ASB3: variants seen among roughly 807,000 people sequenced by gnomAD.
ASB3 encodes ankyrin repeat and SOCS box protein 3.
Under a neutral mutation model 54.5 loss-of-function variants are expected in ASB3, and 41 were observed. The observed-to-expected ratio is 0.75, with a 90% confidence interval of 0.59 to 0.98. The LOEUF is 0.98. Among genes scored for constraint, ASB3 ranks in the 50% least tolerant of loss-of-function variants. The pLI is 0.00. For missense variants in ASB3, 733 were observed against 620.0 expected (o/e 1.18, Z -1.94); for synonymous variants, 266 against 221.2 (o/e 1.20, Z -1.80).
chr2:53,784,040 T>G (rs1674798756), intron 1 of ASB3, among the ~76,000 whole-genome samples: 1 of 152,218 alleles, frequency 6.6e-6, no homozygotes, highest in Non-Finnish European at 1.5e-5. Context: ...AATGAGTTTA[T>G]TTTAGCAAAC....
At chr2:53,784,237 T>C (rs1379701309) in intron 1 of ASB3, among the ~76,000 whole-genome samples, 1 of 152,240 alleles carries the variant, frequency 6.6e-6, no homozygotes, top group Non-Finnish European at 1.5e-5. Flanking sequence ...CATAAAAGAC[T>C]TGTACTGATT....
In ASB3 at chr2:53,774,350, T is replaced by C. The variant is rs531154748; in HGVS notation, c.-13-8765A>G. 9 of 1,613,212 alleles carry C rather than the reference T, an allele frequency of 5.6e-6. No individual in the cohort carries two copies. In the East Asian group the frequency reaches 8.9e-5, roughly 16 times the overall value. On this transcript the variant is annotated intron_variant, in intron 1 of 9. Transcript: ENST00000263634. ...CTTGGTCCTGCACCTCTGGAAGACA[T>C]TGCTGAACAAATTTTTAATGCAGCT...
intron 8 of ASB3, among the ~76,000 whole-genome samples, chr2:53,698,005 T>C (rs1669279894): frequency 1.3e-5 from 2 of 152,180 alleles, no homozygotes; most frequent in South Asian, 4.1e-4. Flanking sequence ...TGGTAGAAAC[T>C]TTGTGGCAGC....
intron 5 of ASB3, among the ~76,000 whole-genome samples, chr2:53,723,276 CT>C (rs1265208239): frequency 6.6e-6 from 1 of 152,162 alleles, no homozygotes; most frequent in Non-Finnish European, 1.5e-5. Flanking sequence ...CCAAAGCAAT[CT>C]ATAGATTCAA....
chr2:53,765,317 TTTTTATG>T, intron 2 of ASB3, 53 bp downstream of exon 2: 1 of 1,604,688 alleles, frequency 6.2e-7, no homozygotes, highest in East Asian at 2.2e-5. Context: ...GTATTATACT[TTTTTATG>T]TTTTATTAAT....
At chr2:53,761,390 G>A (rs1313711929) in intron 2 of ASB3, among the ~76,000 whole-genome samples, 1 of 152,058 alleles carries the variant, frequency 6.6e-6, no homozygotes, top group African/African-American at 2.4e-5. Flanking sequence ...CCCGTTGTAT[G>A]GGGGCTCTGT....
At chr2:53,757,424 T>C (rs982322847) in intron 2 of ASB3, among the ~76,000 whole-genome samples, 1 of 152,240 alleles carries the variant, frequency 6.6e-6, no homozygotes, top group South Asian at 2.1e-4. Context: ...GTTGAGATCA[T>C]GGCGCAGCCG....
At chr2:53,720,509 A>C (rs528282559) in intron 5 of ASB3, among the ~76,000 whole-genome samples, 1 of 152,340 alleles carries the variant, frequency 6.6e-6, no homozygotes, top group South Asian at 2.1e-4. Context: ...GAAGGTAATT[A>C]CATAATGATA....
intron 3 of ASB3, among the ~76,000 whole-genome samples, chr2:53,743,687 T>A (rs2103974946): frequency 6.6e-6 from 1 of 152,298 alleles, no homozygotes; most frequent in East Asian, 1.9e-4. Context: ...ATAAATACAT[T>A]TAATTATATG....
At chr2:53,771,893 C>A (rs770448070) in intron 1 of ASB3, 5 of 1,540,720 alleles carry the variant, frequency 3.2e-6, no homozygotes, top group Non-Finnish European at 4.4e-6. Flanking sequence ...TTTTTTTTTA[C>A]CTTTTTAAAA....
At chr2:53,735,188 G>A (rs142584047) in intron 3 of ASB3, among the ~76,000 whole-genome samples, 39 of 152,064 alleles carry the variant, frequency 2.6e-4, no homozygotes, top group Admixed American at 8.5e-4. Flanking sequence ...CCAAAGTGCT[G>A]GGATTACACA....
intron 5 of ASB3, among the ~76,000 whole-genome samples, 177 bp from the exon 6 acceptor site, chr2:53,716,920 TA>T (rs1670429243): frequency 6.6e-6 from 1 of 152,214 alleles, no homozygotes; most frequent in Non-Finnish European, 1.5e-5. Context: ...GGTAATCATT[TA>T]AATTGTCTTC....
Position 53,755,987 on chromosome 2 carries a change from C to G in ASB3, c.197-5046G>C, listed in dbSNP as rs566347270. On this transcript the variant is annotated intron_variant, in intron 2 of 9. Transcript: ENST00000263634. ...GGACAAAATAGTAAGACCCCCCCCC[C>G]ACCTCTACAAAATATAGAAAATAAA... 3.2e-3 allele frequency among the ~76,000 whole-genome samples: 482 copies of G among 149,998 alleles called. 7 individuals are homozygous for G. The highest frequency in any genetic ancestry group is 0.017 in the South Asian group (79 of 4,752).
intron 3 of ASB3, among the ~76,000 whole-genome samples, chr2:53,743,847 A>T (rs1393261084): frequency 6.6e-6 from 1 of 152,050 alleles, no homozygotes; most frequent in Non-Finnish European, 1.5e-5. Context: ...TTTTGAGACC[A>T]GCCTGGCCAA....
intron 2 of ASB3, among the ~76,000 whole-genome samples, chr2:53,756,047 T>A (rs757216819): frequency 6.7e-6 from 1 of 150,106 alleles, no homozygotes; most frequent in Non-Finnish European, 1.5e-5. Context: ...ATGTCTGCGG[T>A]CCCAGTTATT....
At chr2:53,771,395 C>T (rs1573011434) in intron 1 of ASB3, among the ~76,000 whole-genome samples, 1 of 152,082 alleles carries the variant, frequency 6.6e-6, no homozygotes. Context: ...CACCTGTAAT[C>T]CCAACTACTC....
chr2:53,677,196 ATAC>A (rs1029173857), intron 9 of ASB3, among the ~76,000 whole-genome samples: 3 of 152,234 alleles, frequency 2.0e-5, no homozygotes, highest in Non-Finnish European at 4.4e-5. Context: ...GCAATAGGCT[ATAC>A]TATGTAGCCT....
chr2:53,773,388 GTTC>G (rs1399721621), intron 1 of ASB3, among the ~76,000 whole-genome samples: 2 of 151,046 alleles, frequency 1.3e-5, no homozygotes, highest in Non-Finnish European at 2.9e-5. Flanking sequence ...TGTTTAGTAT[GTTC>G]TTCTGTGCAC....
At chr2:53,772,572 G>A (rs1446651374) in intron 1 of ASB3, among the ~76,000 whole-genome samples, 2 of 151,926 alleles carry the variant, frequency 1.3e-5, no homozygotes, top group African/African-American at 4.8e-5. Flanking sequence ...CTACCACCGA[G>A]AATTAAATGG....
Sources: allele counts gnomAD v4.1 joint callset (sites outside exome capture counted in the v4.1 genomes callset), GRCh38; gene constraint gnomAD v4.1.1; transcripts MANE v1.5; gene names NCBI Gene and HGNC (gene_info 2026-07-23, HGNC 2026-07-21).